Variants in ITPK1 observed in about 807,000 individuals in gnomAD.
ITPK1 encodes the protein inositol 1,3,4-trisphosphate 5/6-kinase.
A neutral mutation model predicts 45.3 loss-of-function variants in ITPK1; 21 were observed. The observed-to-expected ratio is 0.46, with a 90% CI of 0.33 to 0.67. The LOEUF (loss-of-function observed/expected upper bound fraction) is 0.67. Ranked by LOEUF, ITPK1 falls within the 30% of genes least tolerant of loss-of-function variation. The probability of loss-of-function intolerance (pLI) is 0.02; values close to 1 mark genes in which losing one functional copy is unlikely to be tolerated. For synonymous variants in ITPK1, 258 were observed against 253.6 expected, an observed-to-expected ratio of 1.02 and a Z score of -0.16; for missense variants, 474 against 573.5, an observed-to-expected ratio of 0.83 and a Z score of 1.77.
chr14:92,987,585 A>C (rs571790766), intron 5 of ITPK1, among the ~76,000 whole-genome samples: 1 of 152,164 alleles, frequency 6.6e-6, no homozygotes, highest in African/African-American at 2.4e-5. Context: ...TCAGCTGTAA[A>C]ATAGATGTTT....
chr14:93,040,887 C>T (rs1889531418), intron 3 of ITPK1, among the ~76,000 whole-genome samples: 2 of 152,172 alleles, frequency 1.3e-5, no homozygotes, highest in African/African-American at 2.4e-5. Context: ...GGAACTACTT[C>T]ACCTCACCAA....
chr14:92,946,887 G>A, intron 9 of ITPK1, among the ~76,000 whole-genome samples: 1 of 152,254 alleles, frequency 6.6e-6, no homozygotes, highest in East Asian at 1.9e-4. Flanking sequence ...GGAAGGAGAT[G>A]GAGAGTGTGT....
intron 3 of ITPK1, among the ~76,000 whole-genome samples, chr14:93,054,774 A>G (rs1290809396): frequency 6.6e-6 from 1 of 152,242 alleles, no homozygotes; most frequent in Non-Finnish European, 1.5e-5. Context: ...CATATATTAC[A>G]GAAAACAGCA....
intron 2 of ITPK1, among the ~76,000 whole-genome samples, chr14:93,108,554 A>AAG (rs1209080842): frequency 6.6e-6 from 1 of 152,188 alleles, no homozygotes; most frequent in Non-Finnish European, 1.5e-5. Flanking sequence ...CAGCAACCTA[A>AAG]ACTCCTCAAT....
Position 92,938,392 on chromosome 14 carries a change from C to G in ITPK1, c.*3169G>C. ...TGGTCTTCCAGGCTAGAAGGACAAA[C>G]GACAGGCTGGCTCCCTTGGTCTTGG... On this transcript the variant is annotated 3_prime_UTR_variant, in exon 11 of 11. Coordinates refer to ENST00000267615, the MANE Select transcript of ITPK1 (RefSeq NM_014216.6). 9.9e-7 allele frequency: 1 copy of G among 1,009,360 alleles called. No homozygotes were observed. The highest frequency in any genetic ancestry group is 2.4e-5 in the East Asian group (1 of 41,748). The allele number at this position is 1,009,360 out of a possible 1,614,324, so 62.5% of individuals were successfully genotyped here.
At chr14:92,992,944 T>A (rs1261313768) in intron 5 of ITPK1, among the ~76,000 whole-genome samples, 1 of 152,188 alleles carries the variant, frequency 6.6e-6, no homozygotes, top group African/African-American at 2.4e-5. Context: ...ACACAACACA[T>A]AGCCAATAAA....
At chr14:93,051,977 G>A (rs1390312039) in intron 3 of ITPK1, among the ~76,000 whole-genome samples, 1 of 152,192 alleles carries the variant, frequency 6.6e-6, no homozygotes, top group Non-Finnish European at 1.5e-5. Context: ...CACTCTGAGG[G>A]CACCACCATC....
intron 10 of ITPK1, among the ~76,000 whole-genome samples, chr14:92,943,643 C>T (rs1258542945): frequency 6.6e-6 from 1 of 152,198 alleles, no homozygotes; most frequent in Non-Finnish European, 1.5e-5. Flanking sequence ...GCCCAGTGGC[C>T]CAGGGCAGGG....
intron 7 of ITPK1, among the ~76,000 whole-genome samples, chr14:92,960,152 T>G (rs1884990854): frequency 6.6e-6 from 1 of 152,168 alleles, no homozygotes; most frequent in South Asian, 2.1e-4. Flanking sequence ...TGGCACACCT[T>G]GCCGGCAGTG....
At chr14:93,079,513 G>C (rs1489163227) in intron 2 of ITPK1, among the ~76,000 whole-genome samples, 3 of 152,186 alleles carry the variant, frequency 2.0e-5, no homozygotes, top group African/African-American at 7.2e-5. Context: ...ACCACCGTGG[G>C]CAAGGGTGGC....
In ITPK1 at chr14:93,014,985, G is replaced by A. The variant is rs1209483282; in HGVS notation, c.246+1691C>T. ...GCCCAGGCATGGCTGTGCTCCTCCA[G>A]AGAATAAGCCCCAAGGGCACCACAG... On this transcript the variant is annotated intron_variant, in intron 4 of 10. Transcript: ENST00000267615. The surrounding 1 kb of genome is among the most constrained non-coding windows in gnomAD (Gnocchi z 4.4). 6.6e-6 allele frequency among the ~76,000 whole-genome samples: 1 copy of A among 152,228 alleles called. No homozygotes were observed. The highest frequency in any genetic ancestry group is 1.5e-5 in the Non-Finnish European group (1 of 68,034).
At chr14:93,061,648 G>T (rs1050976056) in intron 3 of ITPK1, among the ~76,000 whole-genome samples, 3 of 152,130 alleles carry the variant, frequency 2.0e-5, no homozygotes, top group Non-Finnish European at 2.9e-5. Context: ...AAAATGCAGG[G>T]GTTTGTTTAT....
At chr14:93,072,910 C>T (rs916482199) in intron 3 of ITPK1, among the ~76,000 whole-genome samples, 3 of 152,202 alleles carry the variant, frequency 2.0e-5, no homozygotes, top group Non-Finnish European at 4.4e-5. Context: ...TATCAGCTGA[C>T]GACACCATCA....
intron 2 of ITPK1, among the ~76,000 whole-genome samples, chr14:93,078,830 G>C (rs1891328161): frequency 6.6e-6 from 1 of 152,144 alleles, no homozygotes; most frequent in South Asian, 2.1e-4. Context: ...TCACTGACGG[G>C]AACCTGACCC....
At chr14:93,108,850 T>TA (rs1425889333) in intron 2 of ITPK1, among the ~76,000 whole-genome samples, 1 of 152,138 alleles carries the variant, frequency 6.6e-6, no homozygotes, top group Non-Finnish European at 1.5e-5. Context: ...CAGTCTCTAC[T>TA]AAAAATAGAA....
In ITPK1 at chr14:93,032,780, C is replaced by G. The variant is rs1235484596; in HGVS notation, c.121-15979G>C. Among the ~76,000 whole-genome samples the G allele has an allele frequency of 6.6e-6, 1 of 152,212 alleles. No homozygotes were observed. Among genetic ancestry groups the G allele is most frequent in the Non-Finnish European group, 1.5e-5 (1 of 68,050 alleles). On this transcript the variant is annotated intron_variant, in intron 3 of 10. Transcript: ENST00000267615. The surrounding 1 kb of genome is among the most constrained non-coding windows in gnomAD (Gnocchi z 4.0). ...CTGTGACCCTGGTGAGTTGCTGGGACTCACGAAGGGGCCATCGCACTCTGC... is the reference window on the plus strand; with the variant it reads ...CTGTGACCCTGGTGAGTTGCTGGGAGTCACGAAGGGGCCATCGCACTCTGC...
chr14:93,068,167 T>G (rs1354764985), intron 3 of ITPK1: 1 of 152,316 alleles, frequency 6.6e-6, no homozygotes, highest in Non-Finnish European at 1.5e-5. Flanking sequence ...CTCTTAGGTG[T>G]CTTCAATCCT....
chr14:93,106,101 C>T (rs1310486241), intron 2 of ITPK1, among the ~76,000 whole-genome samples: 3 of 152,162 alleles, frequency 2.0e-5, no homozygotes, highest in Admixed American at 6.6e-5. Flanking sequence ...CGGCTTCCCT[C>T]GGCTCCCTTG....
intron 3 of ITPK1, among the ~76,000 whole-genome samples, chr14:93,073,385 G>A (rs1024152953): frequency 3.9e-5 from 6 of 152,174 alleles, no homozygotes; most frequent in Non-Finnish European, 8.8e-5. Flanking sequence ...AGGCACCTGA[G>A]GACACTGAGA....
Sources: allele counts gnomAD v4.1 joint callset (sites outside exome capture counted in the v4.1 genomes callset), GRCh38; gene constraint gnomAD v4.1.1; non-coding constraint Gnocchi (gnomAD v3.1); transcripts MANE v1.5; gene names NCBI Gene and HGNC (gene_info 2026-07-23, HGNC 2026-07-21).